DDX60L: variants seen among roughly 807,000 people sequenced by gnomAD.
DDX60L encodes the protein probable ATP-dependent RNA helicase DDX60-like.
Under a neutral mutation model 211.6 loss-of-function variants are expected in DDX60L, and 191 were observed. That is an observed-to-expected ratio of 0.90 (90% CI 0.80 to 1.02). The LOEUF (loss-of-function observed/expected upper bound fraction) is 1.02. DDX60L is among the 50% of genes least tolerant of loss of function. DDX60L has a pLI of 0.00. For missense variants in DDX60L, 2,007 were observed against 1,984.1 expected (o/e 1.01, Z -0.22); for synonymous variants, 706 against 694.1 (o/e 1.02, Z -0.27).
In DDX60L at chr4:168,371,746, G is replaced by A. The variant is rs1241545760; in HGVS notation, c.4794C>T (p.Val1598=). Residue 1598 remains valine (V), a synonymous_variant, in exon 36 of 38, where the codon GTC becomes GTT. Transcript: ENST00000682922. ...ETINQVILRT[V]GVSGTQAPLL... ...GAGGAGCCTGAGTGCCACTAACACC[G>A]ACTGTGCGCAGGATGACCTGAAGAA... The A allele has an allele frequency of 3.1e-5, 49 of 1,603,986 alleles. No individual in the cohort carries two copies. Among genetic ancestry groups the A allele is most frequent in the Non-Finnish European group, 3.8e-5 (44 of 1,172,932 alleles).
intron 22 of DDX60L, among the ~76,000 whole-genome samples, chr4:168,409,531 T>C (rs72976891): frequency 0.014 from 2,174 of 152,290 alleles, 57 homozygotes; most frequent in African/African-American, 0.047. Flanking sequence ...CATATATCTA[T>C]TCCCTAAGCA....
chr4:168,390,528 G>T, intron 29 of DDX60L: 1 of 1,419,642 alleles, frequency 7.0e-7, no homozygotes, highest in Non-Finnish European at 9.2e-7. Flanking sequence ...GAGTTCACAT[G>T]ATCTAAATTT....
rs1428392756 is a variant in DDX60L, at chr4:168,390,290, G to A, written c.3915+1250C>T. 37 of 1,116,870 alleles carry A rather than the reference G, an allele frequency of 3.3e-5. No homozygotes were observed. The Admixed American group carries it at 6.4e-4, about 19-fold the overall frequency. The allele number at this position is 1,116,870 out of a possible 1,614,324, so 69.2% of individuals were successfully genotyped here. A position where few individuals can be genotyped will look rare whatever the true frequency, so the allele number is the denominator to read the frequency against. On this transcript the variant is annotated intron_variant, in intron 29 of 37. Transcript: ENST00000682922. ...TCTGAAGGAAACAAAAGTCCCTTAA[G>A]AGAAACTTTGCTCTCTACATGAAAA...
intron 4 of DDX60L, chr4:168,471,447 G>T: frequency 4.8e-6 from 1 of 207,376 alleles, no homozygotes; most frequent in Non-Finnish European, 9.5e-6. Context: ...TTCTTACACT[G>T]ACTATATAGA....
intron 22 of DDX60L, among the ~76,000 whole-genome samples, chr4:168,410,595 T>C (rs144912024): frequency 6.8e-4 from 104 of 152,328 alleles, no homozygotes; most frequent in Non-Finnish European, 1.3e-3. Flanking sequence ...GGACCAACTA[T>C]TGGCTAATGT....
At chr4:168,399,405 T>G (rs1031271513) in intron 26 of DDX60L, among the ~76,000 whole-genome samples, 10 of 152,142 alleles carry the variant, frequency 6.6e-5, no homozygotes, top group African/African-American at 2.4e-4. Flanking sequence ...GTACGCCTGG[T>G]CCAGCCCCAG....
At chr4:168,453,578 C>T (rs548672314) in intron 7 of DDX60L, among the ~76,000 whole-genome samples, 111 of 152,248 alleles carry the variant, frequency 7.3e-4, no homozygotes, top group African/African-American at 2.6e-3. Flanking sequence ...GACAGAGCCC[C>T]ATGTAAAATG....
At chr4:168,469,342 T>C (rs1413441339) in intron 4 of DDX60L, 1 of 152,086 alleles carries the variant, frequency 6.6e-6, no homozygotes, top group African/African-American at 2.4e-5. Flanking sequence ...CTGGAACAAA[T>C]CAACCTCAAT....
chr4:168,380,051 C>G, intron 30 of DDX60L: 1 of 409,326 alleles, frequency 2.4e-6, no homozygotes, highest in Non-Finnish European at 4.3e-6. Flanking sequence ...TTATACATAA[C>G]CCAGACTGGC....
rs948463434 is a variant in DDX60L at position 168,432,659 on chromosome 4, C to T, written c.1401-89G>A. 1.3e-5 allele frequency: 9 copies of T among 704,690 alleles called. No homozygotes were observed. The Admixed American group carries it at 1.7e-4, about 13-fold the overall frequency. The allele number at this position is 704,690 out of a possible 1,614,324, so 43.7% of individuals were successfully genotyped here. Reference sequence around the variant, plus strand: ...GGCTGTGATAACAGAAATTGTACAACCTCTTTTTCTATTTGTGTGATATAA... The same window carrying T: ...GGCTGTGATAACAGAAATTGTACAATCTCTTTTTCTATTTGTGTGATATAA... On this transcript the variant is annotated intron_variant, in intron 11 of 37. Coordinates refer to ENST00000682922, the MANE Select transcript of DDX60L (RefSeq NM_001012967.3).
chr4:168,406,699 T>C lies in DDX60L; in HGVS notation c.2987A>G (p.Lys996Arg), dbSNP rs763038801. 1 of 1,587,852 alleles carries C rather than the reference T, an allele frequency of 6.3e-7. No individual in the cohort carries two copies. The highest frequency in any genetic ancestry group is 1.8e-5 in the Admixed American group (1 of 54,796). The stretch of plus-strand genomic sequence containing the variant: ...GGTAAGATCAGGTGGGAATCCATAC[T>C]TTTCAATCTGTGAATAAACAAATTA... ...CAALTTDIIE[K>R]YGFPPDLTLT... The change falls in exon 23 of 38, where the codon AAG becomes AGG. Residue 996 changes from lysine (K) to arginine (R), a missense_variant. Transcript: ENST00000682922.
Position 168,379,368 on chromosome 4 carries a change from C to A in DDX60L, c.4358G>T (p.Trp1453Leu). ...GLFHNLCKPA[W>L]KGSQQFSQDV... ...GGTATAAAACCCAAGCTTACCTTTC[C>A]AGGCTGGCTTACAGAGATTATGGAA... Residue 1453 changes from tryptophan (W) to leucine (L), a missense_variant, in exon 32 of 38, where the codon TGG (tryptophan) becomes TTG (leucine). Coordinates refer to ENST00000682922, the MANE Select transcript of DDX60L (RefSeq NM_001012967.3). 6.4e-7 allele frequency: 1 copy of A among 1,565,870 alleles called. No individual in the cohort carries two copies. Among genetic ancestry groups the A allele is most frequent in the Non-Finnish European group, 8.6e-7 (1 of 1,163,912 alleles).
intron 27 of DDX60L, among the ~76,000 whole-genome samples, chr4:168,395,273 C>A (rs1745571716): frequency 6.6e-6 from 1 of 152,128 alleles, no homozygotes; most frequent in Admixed American, 6.5e-5. Flanking sequence ...TAATGTAGCT[C>A]TATTGTTGTT....
Position 168,427,305 on chromosome 4 carries a change from T to C in DDX60L, c.1695A>G (p.Gln565=), listed in dbSNP as rs766288457. The C allele has an allele frequency of 6.2e-6, 10 of 1,613,018 alleles. No individual in the cohort carries two copies. The Admixed American group carries it at 8.3e-5, about 13-fold the overall frequency. ...ACTTTTTCTTACTCTTTTTGGTAAT[T>C]TGGTGGGGTTTGGTATTCTGCTCAA... ...GEILQNTKPH[Q]ITKKSKKKSF... The change falls in exon 14 of 38, where the codon CAA becomes CAG. Residue 565 remains glutamine (Q), a synonymous_variant. Coordinates refer to ENST00000682922, the MANE Select transcript of DDX60L (RefSeq NM_001012967.3).
intron 14 of DDX60L, among the ~76,000 whole-genome samples, chr4:168,426,697 C>G (rs1221727488): frequency 1.3e-5 from 2 of 152,208 alleles, no homozygotes; most frequent in Non-Finnish European, 2.9e-5. Context: ...CACCTCCCAA[C>G]AGCAACTTCA....
chr4:168,421,944 G>A (rs781114891), intron 16 of DDX60L, 35 bp from the exon 17 acceptor site: 13 of 1,613,556 alleles, frequency 8.1e-6, no homozygotes, highest in Admixed American at 3.3e-5. Flanking sequence ...TGTCAAGAAA[G>A]TGAACAGCAT....
chr4:168,479,380 G>A (rs556624970), intron 1 of DDX60L, among the ~76,000 whole-genome samples: 19 of 152,140 alleles, frequency 1.2e-4, no homozygotes, highest in Non-Finnish European at 1.9e-4. Context: ...ACTGTTTTCA[G>A]GAGAACACTC....
chr4:168,448,315 G>A (rs1755135469), intron 9 of DDX60L, among the ~76,000 whole-genome samples: 1 of 151,958 alleles, frequency 6.6e-6, no homozygotes, highest in African/African-American at 2.4e-5. Flanking sequence ...TTATTTTTAG[G>A]AAAAATGCAA....
chr4:168,405,579 A>G (rs1275152057), intron 24 of DDX60L, among the ~76,000 whole-genome samples: 2 of 152,198 alleles, frequency 1.3e-5, no homozygotes, highest in African/African-American at 2.4e-5. Context: ...AAACTTTCTT[A>G]GATTAGCCCC....
Sources: allele counts gnomAD v4.1 joint callset (sites outside exome capture counted in the v4.1 genomes callset), GRCh38; gene constraint gnomAD v4.1.1; transcripts MANE v1.5; gene names NCBI Gene and HGNC (gene_info 2026-07-23, HGNC 2026-07-21).